Variants in WDFY2 observed in about 807,000 individuals in gnomAD.
WDFY2 encodes the protein WD repeat and FYVE domain containing 2.
A neutral mutation model predicts 56.4 loss-of-function variants in WDFY2; 36 were observed. That is an observed-to-expected ratio of 0.64 (90% CI 0.49 to 0.84). The LOEUF (loss-of-function observed/expected upper bound fraction) is 0.84, where lower values mean the gene tolerates loss of function less well. WDFY2 is among the 40% of genes least tolerant of loss of function. The pLI, the probability that WDFY2 is intolerant of heterozygous loss-of-function variation, is 0.00. For missense variants in WDFY2, 444 were observed against 512.2 expected (o/e 0.87, Z 1.29); for synonymous variants, 176 against 183.7 (o/e 0.96, Z 0.34).
At chr13:51,663,168 C>T (rs149722182) in intron 2 of WDFY2, among the ~76,000 whole-genome samples, 2 of 152,090 alleles carry the variant, frequency 1.3e-5, no homozygotes, top group Non-Finnish European at 2.9e-5. Context: ...TGAAACAAAC[C>T]CAAACCGTAG....
intron 2 of WDFY2, among the ~76,000 whole-genome samples, chr13:51,673,799 CTT>C (rs1955842772): frequency 6.6e-6 from 1 of 151,986 alleles, no homozygotes. Flanking sequence ...GGAGTGTACT[CTT>C]GGGAATCTGG....
At chr13:51,605,098 A>G (rs989010959) in intron 1 of WDFY2, among the ~76,000 whole-genome samples, 13 of 152,248 alleles carry the variant, frequency 8.5e-5, no homozygotes, top group African/African-American at 2.9e-4. Context: ...GCAATCAAAG[A>G]GAATGCCGCG....
Position 51,584,607 on chromosome 13 carries a change from T to C in WDFY2, c.-81T>C. On this transcript the variant is annotated 5_prime_UTR_variant, in exon 1 of 12. Transcript: ENST00000298125. ...GCCAGCCAGAGTCTCTGTCTCAACCTGTGTCCGTGCTCCAGCAGTCTCCTC... is the reference window on the plus strand; with the variant it reads ...GCCAGCCAGAGTCTCTGTCTCAACCCGTGTCCGTGCTCCAGCAGTCTCCTC... 1.3e-6 allele frequency: 2 copies of C among 1,508,438 alleles called. No individual in the cohort carries two copies. The highest frequency in any genetic ancestry group is 2.2e-5 in the Admixed American group (1 of 44,918). 93.4% of individuals were successfully genotyped at this position (1,508,438 alleles called of 1,614,324 possible).
intron 1 of WDFY2, among the ~76,000 whole-genome samples, chr13:51,595,795 T>G (rs1185853603): frequency 6.6e-6 from 1 of 152,096 alleles, no homozygotes; most frequent in Non-Finnish European, 1.5e-5. Context: ...CAAGACACCT[T>G]TTATAACAGA....
chr13:51,639,212 T>C (rs754220178), intron 1 of WDFY2, among the ~76,000 whole-genome samples: 1 of 152,182 alleles, frequency 6.6e-6, no homozygotes, highest in Non-Finnish European at 1.5e-5. Flanking sequence ...CAAGGAACAT[T>C]GATGCACAAT....
intron 1 of WDFY2, among the ~76,000 whole-genome samples, chr13:51,652,783 C>T (rs551368939): frequency 3.9e-5 from 6 of 152,354 alleles, no homozygotes; most frequent in African/African-American, 1.4e-4. Flanking sequence ...CGCTGTTAGT[C>T]TGATGGGCTT....
intron 1 of WDFY2, among the ~76,000 whole-genome samples, chr13:51,638,548 G>A (rs1399016802): frequency 2.0e-5 from 3 of 152,164 alleles, no homozygotes; most frequent in Non-Finnish European, 4.4e-5. Flanking sequence ...TCCGTGCAGT[G>A]TAGTCCCTCA....
At chr13:51,618,837 CCTT>C (rs1954672437) in intron 1 of WDFY2, among the ~76,000 whole-genome samples, 1 of 152,206 alleles carries the variant, frequency 6.6e-6, no homozygotes, top group African/African-American at 2.4e-5. Context: ...GGCTTAGAGT[CCTT>C]CTCCCTGCCT....
At chr13:51,753,481 G>C (rs1346706805) in intron 8 of WDFY2, among the ~76,000 whole-genome samples, 3 of 152,152 alleles carry the variant, frequency 2.0e-5, no homozygotes, top group African/African-American at 7.2e-5. Context: ...GTTACAAAAT[G>C]CTCATTAGTA....
At chr13:51,751,014 A>G (rs546969682) in intron 7 of WDFY2, among the ~76,000 whole-genome samples, 2 of 152,282 alleles carry the variant, frequency 1.3e-5, no homozygotes, top group East Asian at 3.9e-4. Context: ...GAAGGAGGGA[A>G]CCAGTAAGAA....
At chr13:51,698,579 A>T (rs1309110698) in intron 3 of WDFY2, among the ~76,000 whole-genome samples, 4 of 152,226 alleles carry the variant, frequency 2.6e-5, no homozygotes, top group African/African-American at 9.6e-5. Flanking sequence ...GCAATAGCAT[A>T]CTAATGCTAT....
At chr13:51,605,335 G>A (rs569932378) in intron 1 of WDFY2, among the ~76,000 whole-genome samples, 36 of 152,310 alleles carry the variant, frequency 2.4e-4, no homozygotes, top group African/African-American at 8.7e-4. Flanking sequence ...CCATTACCTG[G>A]ACCATTGTTT....
intron 1 of WDFY2, among the ~76,000 whole-genome samples, chr13:51,654,464 A>C (rs1255960887): frequency 6.6e-6 from 1 of 152,120 alleles, no homozygotes; most frequent in South Asian, 2.1e-4. Flanking sequence ...CTCAGGTGGA[A>C]ATGCAGAAAT....
chr13:51,614,378 C>T (rs1039643400), intron 1 of WDFY2, among the ~76,000 whole-genome samples: 2 of 152,144 alleles, frequency 1.3e-5, no homozygotes, highest in African/African-American at 4.8e-5. Context: ...AACAGAAAAC[C>T]TGACTCATTC....
intron 5 of WDFY2, among the ~76,000 whole-genome samples, chr13:51,723,396 A>G (rs1329762699): frequency 1.3e-5 from 2 of 152,160 alleles, no homozygotes; most frequent in African/African-American, 4.8e-5. Flanking sequence ...GATCTAGACA[A>G]GATCCACACA....
rs1471659387 is a variant in WDFY2, at chr13:51,765,913, A to T, written c.*6144A>T. 6.6e-6 allele frequency: 1 copy of T among 152,168 alleles called. No homozygotes were observed. The highest frequency in any genetic ancestry group is 1.5e-5 in the Non-Finnish European group (1 of 68,030). 9.4% of individuals were successfully genotyped at this position (152,168 alleles called of 1,614,324 possible). On this transcript the variant is annotated 3_prime_UTR_variant, in exon 12 of 12. Transcript: ENST00000298125. ...ATCTGACTTTCTTGGAAGTGTCAAG[A>T]ATTGCAGGTTGGCTGAAAAGTTAGA... is the stretch of plus-strand genomic sequence containing the variant.
At chr13:51,616,577 C>T (rs1210057907) in intron 1 of WDFY2, among the ~76,000 whole-genome samples, 1 of 152,206 alleles carries the variant, frequency 6.6e-6, no homozygotes, top group East Asian at 1.9e-4. Context: ...AACTGAGGCT[C>T]TACCAACTTG....
intron 1 of WDFY2, among the ~76,000 whole-genome samples, chr13:51,599,991 C>T (rs941968109): frequency 6.6e-6 from 1 of 152,118 alleles, no homozygotes; most frequent in Admixed American, 6.5e-5. Context: ...AACCTTCTTC[C>T]TTCCTCCTTC....
At chr13:51,689,679 G>T (rs552993970) in intron 3 of WDFY2, among the ~76,000 whole-genome samples, 3 of 152,090 alleles carry the variant, frequency 2.0e-5, no homozygotes, top group South Asian at 4.1e-4. Flanking sequence ...GCATTTGACC[G>T]GAGAGGAAAA....
Sources: allele counts gnomAD v4.1 joint callset (sites outside exome capture counted in the v4.1 genomes callset), GRCh38; gene constraint gnomAD v4.1.1; transcripts MANE v1.5; gene names NCBI Gene and HGNC (gene_info 2026-07-23, HGNC 2026-07-21).